SEC14L3: variants seen among roughly 807,000 people sequenced by gnomAD.
The protein encoded by SEC14L3 is SEC14-like protein 3.
A neutral mutation model predicts 57.4 loss-of-function variants in SEC14L3; 56 were observed. That is an observed-to-expected ratio of 0.97 (90% CI 0.79 to 1.22). SEC14L3 has a LOEUF of 1.22. SEC14L3 is among the 50% of genes most tolerant of loss of function. The probability of loss-of-function intolerance (pLI) is 0.00; values close to 1 mark genes in which losing one functional copy is unlikely to be tolerated. For synonymous variants in SEC14L3, 173 were observed against 194.4 expected, an observed-to-expected ratio of 0.89 and a Z score of 0.92; for missense variants, 485 against 511.7, an observed-to-expected ratio of 0.95 and a Z score of 0.50.
At chr22:30,458,717 A>C (rs547417620), downstream of SEC14L3, among the ~76,000 whole-genome samples, 1 of 152,146 alleles carries the variant, frequency 6.6e-6, no homozygotes. Flanking sequence ...TGGAGTAAAC[A>C]AAGCAAAAAC....
intron 5 of SEC14L3, 131 bp downstream of exon 5, chr22:30,468,377 C>A: frequency 3.2e-6 from 2 of 626,666 alleles, no homozygotes; most frequent in Non-Finnish European, 5.7e-6. Context: ...AGCTGGTAAG[C>A]AACAGAGCTG....
chr22:30,451,811 A>G (rs574347747), intron 12 of SEC14L3, among the ~76,000 whole-genome samples: 183 of 151,954 alleles, frequency 1.2e-3, no homozygotes, highest in African/African-American at 4.3e-3. Flanking sequence ...CCAACATGGC[A>G]AAACTCTGTC....
chr22:30,468,428 C>T (rs1044603810), intron 5 of SEC14L3, 80 bp downstream of exon 5: 1 of 1,048,224 alleles, frequency 9.5e-7, no homozygotes, highest in African/African-American at 1.6e-5. Flanking sequence ...TTGTAGAGAA[C>T]ACAGGTGTGT....
In SEC14L3 at chr22:30,468,579, G is replaced by A; in HGVS notation, c.352C>T (p.Gln118Ter). Residue 118 changes from glutamine to a stop codon, truncating the protein, a stop_gained, in exon 5 of 12, where the codon CAG (glutamine) becomes TAG (stop). Coordinates refer to ENST00000215812, the MANE Select transcript of SEC14L3 (RefSeq NM_174975.5). LOFTEE classifies it high-confidence loss of function. ...PKGLLFSVTK[Q>*]DLLKTKMRDC... ...CTCATCTTGGTCTTGAGCAGGTCCT[G>A]CTTGGTGACTGAGAAGAGCAACCCC... 1 of 1,613,952 alleles carries A rather than the reference G, an allele frequency of 6.2e-7. No homozygotes were observed.
At chr22:30,467,116 G>A (rs1383194571) in intron 5 of SEC14L3, 39 bp from the exon 6 acceptor site, 16 of 1,612,556 alleles carry the variant, frequency 9.9e-6, no homozygotes, top group Non-Finnish European at 1.4e-5. Context: ...TGGAGTTCAG[G>A]GTGTAGGCTT....
At chr22:30,463,079 A>G (rs1935317173) in intron 8 of SEC14L3, among the ~76,000 whole-genome samples, 1 of 152,204 alleles carries the variant, frequency 6.6e-6, no homozygotes, top group Admixed American at 6.5e-5. Flanking sequence ...CAGTGAAACT[A>G]AGAGTTATCT....
chr22:30,471,806 T>TGCTGAATC (rs1352615859), intron 1 of SEC14L3, 99 bp downstream of exon 1: 7 of 1,525,806 alleles, frequency 4.6e-6, no homozygotes, highest in Non-Finnish European at 6.3e-6. Context: ...GTCAAGGACA[T>TGCTGAATC]GCTGAATCAA....
intron 12 of SEC14L3, among the ~76,000 whole-genome samples, chr22:30,451,769 C>A (rs2146082150): frequency 6.6e-6 from 1 of 152,056 alleles, no homozygotes; most frequent in Middle Eastern, 3.4e-3. Flanking sequence ...GTGGGCAGAT[C>A]ACTTGAGGCC....
intron 12 of SEC14L3, chr22:30,449,265 T>C: frequency 1.9e-6 from 3 of 1,548,060 alleles, no homozygotes; most frequent in African/African-American, 2.7e-5. Context: ...GAGGTGGTTA[T>C]GAGAAAACAA....
At position 30,462,197 on chromosome 22, in the gene SEC14L3, G is replaced by C. The variant is rs867372572; in HGVS notation, c.665-5C>G. On this transcript the variant is annotated splice_region_variant and splice_polypyrimidine_tract_variant and intron_variant, in intron 8 of 11. Coordinates refer to ENST00000215812, the MANE Select transcript of SEC14L3 (RefSeq NM_174975.5). ...GCAAACCTTCCTTCCAGTTATCTGG[G>C]AGCAGTGGGATTCAAGGGTGGTTAG... 2.0e-5 allele frequency: 32 copies of C among 1,611,324 alleles called. 1 individual carries two copies. In the Middle Eastern group the frequency reaches 3.5e-3, roughly 175 times the overall value.
intron 7 of SEC14L3, 99 bp downstream of exon 7, chr22:30,466,235 C>A: frequency 8.6e-7 from 1 of 1,163,684 alleles, no homozygotes; most frequent in Non-Finnish European, 1.3e-6. Flanking sequence ...AAGAAACCAA[C>A]CTGCCTCACA....
At chr22:30,457,019 G>A (rs1231919126), downstream of SEC14L3, among the ~76,000 whole-genome samples, 2 of 152,156 alleles carry the variant, frequency 1.3e-5, no homozygotes, top group Non-Finnish European at 2.9e-5. Context: ...GAGGAGCTCT[G>A]GCAACAGCAC....
chr22:30,470,658 A>T, intron 1 of SEC14L3, 76 bp from the exon 2 acceptor site: 1 of 1,602,148 alleles, frequency 6.2e-7, no homozygotes, highest in Non-Finnish European at 8.5e-7. Flanking sequence ...CTGTTTTCAC[A>T]ACCTCTCCTT....
intron 4 of SEC14L3, 37 bp from the exon 5 acceptor site, chr22:30,468,733 C>T (rs116970294): frequency 0.018 from 29,356 of 1,613,940 alleles, 425 homozygotes; most frequent in Middle Eastern, 0.05. Context: ...TGGCATTACA[C>T]ACCTCCCTTG....
chr22:30,448,741 A>C (rs1027548917), exon 13 of SEC14L3: 1 of 195,896 alleles, frequency 5.1e-6, no homozygotes, highest in Non-Finnish European at 1.0e-5. Context: ...AAGAAAGAAA[A>C]AAAACCCAGG....
At chr22:30,464,401 GGAA>G in intron 8 of SEC14L3, among the ~76,000 whole-genome samples, 1 of 152,266 alleles carries the variant, frequency 6.6e-6, no homozygotes, top group African/African-American at 2.4e-5. Flanking sequence ...TTCACTGTTG[GGAA>G]GAAGGAGCCT....
chr22:30,447,829 G>A (rs1319584301), downstream of SEC14L3: 1 of 152,202 alleles, frequency 6.6e-6, no homozygotes, highest in African/African-American at 2.4e-5. Flanking sequence ...AGAGGACTGT[G>A]GAAGTGTTTG....
chr22:30,464,997 G>T, intron 7 of SEC14L3, 94 bp from the exon 8 acceptor site: 1 of 1,567,982 alleles, frequency 6.4e-7, no homozygotes, highest in Non-Finnish European at 8.7e-7. Context: ...GAGGAGTCAT[G>T]ACTAACCCTG....
intron 1 of SEC14L3, 35 bp downstream of exon 1, chr22:30,471,869 CT>C: frequency 6.2e-7 from 1 of 1,613,366 alleles, no homozygotes; most frequent in East Asian, 2.2e-5. Context: ...CCCCTTTCCC[CT>C]GGTCTTCCGG....
Sources: allele counts gnomAD v4.1 joint callset (sites outside exome capture counted in the v4.1 genomes callset), GRCh38; gene constraint gnomAD v4.1.1; transcripts MANE v1.5; gene names NCBI Gene and HGNC (gene_info 2026-07-23, HGNC 2026-07-21).